CDK14: variants seen among roughly 807,000 people sequenced by gnomAD.
CDK14 encodes cyclin-dependent kinase 14.
CDK14 carries 34 observed loss-of-function variants against 60.7 expected under a neutral mutation model. That is an observed-to-expected ratio of 0.56 (90% CI 0.43 to 0.75). CDK14 has a LOEUF of 0.75. Among genes scored for constraint, CDK14 ranks in the 30% least tolerant of loss-of-function variants. The pLI is 0.00. For missense variants in CDK14, 482 were observed against 564.1 expected (o/e 0.85, Z 1.47); for synonymous variants, 197 against 203.7 (o/e 0.97, Z 0.28).
chr7:90,676,704 G>C (rs556028207), intron 2 of CDK14, among the ~76,000 whole-genome samples: 35 of 151,974 alleles, frequency 2.3e-4, no homozygotes, highest in African/African-American at 8.2e-4. Flanking sequence ...GGTTAGTTTT[G>C]CTCGTTTTTT....
At chr7:91,131,678 A>G (rs1800123046) in intron 14 of CDK14, among the ~76,000 whole-genome samples, 1 of 152,174 alleles carries the variant, frequency 6.6e-6, no homozygotes, top group Non-Finnish European at 1.5e-5. Context: ...GATAGAATTT[A>G]TAAGGGCATC....
At chr7:91,004,590 T>C (rs1000660700) in intron 10 of CDK14, among the ~76,000 whole-genome samples, 1 of 152,334 alleles carries the variant, frequency 6.6e-6, no homozygotes, top group Non-Finnish European at 1.5e-5. Context: ...AGAATATCAA[T>C]TGATGTCATC....
intron 10 of CDK14, among the ~76,000 whole-genome samples, chr7:91,001,000 A>G (rs1453542439): frequency 6.6e-6 from 1 of 152,228 alleles, no homozygotes; most frequent in Non-Finnish European, 1.5e-5. Flanking sequence ...TAGCAACTAC[A>G]GATCAGCAGG....
intron 14 of CDK14, among the ~76,000 whole-genome samples, chr7:91,138,085 C>T (rs1800340664): frequency 6.6e-6 from 1 of 152,124 alleles, no homozygotes; most frequent in South Asian, 2.1e-4. Flanking sequence ...TGCCTCTCTC[C>T]ATTGTGGTGA....
intron 7 of CDK14, among the ~76,000 whole-genome samples, chr7:90,907,762 A>G (rs1197546945): frequency 6.6e-6 from 1 of 152,104 alleles, no homozygotes; most frequent in Non-Finnish European, 1.5e-5. Flanking sequence ...GAGGTTTATT[A>G]TGGCTGAAAA....
intron 13 of CDK14, among the ~76,000 whole-genome samples, chr7:91,112,886 AG>A (rs1584078591): frequency 6.7e-6 from 1 of 148,448 alleles, no homozygotes; most frequent in East Asian, 2.1e-4. Context: ...GAACAGGGGA[AG>A]GGGGGCCATG....
chr7:90,849,317 A>G (rs1790568298), intron 5 of CDK14, among the ~76,000 whole-genome samples: 1 of 151,914 alleles, frequency 6.6e-6, no homozygotes, highest in Non-Finnish European at 1.5e-5. Context: ...AGGCCTCACA[A>G]GAAGCCGAGC....
chr7:90,910,720 C>T lies in CDK14; in HGVS notation c.703-6881C>T, dbSNP rs188572203. ...GACAAAAAATGGGTTCAAATATCAGCACTCTCTCTTACTTACTATGTGTTC... is the reference window on the plus strand; with the variant it reads ...GACAAAAAATGGGTTCAAATATCAGTACTCTCTCTTACTTACTATGTGTTC... On this transcript the variant is annotated intron_variant, in intron 7 of 14. Transcript: ENST00000380050. Among the ~76,000 whole-genome samples the T allele has an allele frequency of 5.3e-5, 8 of 152,248 alleles. No individual in the cohort carries two copies. In the East Asian group the frequency reaches 1.5e-3, roughly 29 times the overall value.
At chr7:91,152,558 G>T (rs1255742542) in intron 14 of CDK14, among the ~76,000 whole-genome samples, 2 of 152,138 alleles carry the variant, frequency 1.3e-5, no homozygotes, top group African/African-American at 2.4e-5. Flanking sequence ...TTTACATAAA[G>T]ATTCATCTAT....
At chr7:90,891,309 A>T (rs1346524620) in intron 6 of CDK14, among the ~76,000 whole-genome samples, 1 of 152,162 alleles carries the variant, frequency 6.6e-6, no homozygotes, top group Non-Finnish European at 1.5e-5. Flanking sequence ...CAATCAGGGA[A>T]TTTTTATGCT....
chr7:90,905,802 T>C (rs190451172), intron 7 of CDK14, among the ~76,000 whole-genome samples: 2 of 152,304 alleles, frequency 1.3e-5, no homozygotes, highest in Admixed American at 6.5e-5. Context: ...ATCATTTTCA[T>C]ATTGAAGATA....
chr7:90,761,314 T>C (rs1804303201), intron 4 of CDK14, among the ~76,000 whole-genome samples: 2 of 149,364 alleles, frequency 1.3e-5, no homozygotes, highest in South Asian at 2.2e-4. Flanking sequence ...CTGGTGGAAA[T>C]GGAGGCACTC....
intron 4 of CDK14, among the ~76,000 whole-genome samples, chr7:90,782,688 A>G (rs546637176): frequency 5.3e-5 from 8 of 152,252 alleles, no homozygotes; most frequent in Non-Finnish European, 1.0e-4. Context: ...TATTTATTGA[A>G]TAAGGGGTGG....
chr7:90,753,153 G>A (rs151252751), intron 4 of CDK14, among the ~76,000 whole-genome samples: 42 of 152,250 alleles, frequency 2.8e-4, no homozygotes, highest in African/African-American at 9.4e-4. Context: ...GATGAAGCCA[G>A]CATCATCCTG....
intron 5 of CDK14, among the ~76,000 whole-genome samples, chr7:90,858,140 C>G (rs3802034): frequency 0.91 from 137,893 of 152,216 alleles, 62,536 homozygotes; most frequent in East Asian, 0.96. Context: ...TGGAGGCTTT[C>G]AGGTTTCATC....
rs11979756 is a variant in CDK14 at position 90,601,922 on chromosome 7, T to G, written c.92-2296T>G. ...GCACCACCACCACGCTTGGCTAATT[T>G]TATGTATGTATGTATGTATGTATGT... On this transcript the variant is annotated intron_variant, in intron 1 of 14. Transcript: ENST00000380050. 3.9e-3 allele frequency among the ~76,000 whole-genome samples: 564 copies of G among 143,394 alleles called. 2 individuals are homozygous for G. Among genetic ancestry groups the G allele is most frequent in the African/African-American group, 8.0e-3 (305 of 38,168 alleles). 94.1% of individuals were successfully genotyped at this position (143,394 alleles called of 152,430 possible).
intron 14 of CDK14, among the ~76,000 whole-genome samples, chr7:91,127,165 T>C (rs1799974976): frequency 6.6e-6 from 1 of 152,124 alleles, no homozygotes; most frequent in Non-Finnish European, 1.5e-5. Flanking sequence ...GTATAATTTG[T>C]TTATCACTAG....
intron 5 of CDK14, among the ~76,000 whole-genome samples, chr7:90,844,964 G>T: frequency 6.6e-6 from 1 of 152,078 alleles, no homozygotes; most frequent in East Asian, 1.9e-4. Flanking sequence ...TCACAAGATG[G>T]CAGCTTGTGG....
chr7:90,783,191 A>G (rs1002196236), intron 4 of CDK14, among the ~76,000 whole-genome samples: 20 of 152,162 alleles, frequency 1.3e-4, no homozygotes, highest in African/African-American at 1.9e-4. Context: ...GTAGCAATCA[A>G]TTCTTTTTAT....
Sources: allele counts gnomAD v4.1 joint callset (sites outside exome capture counted in the v4.1 genomes callset), GRCh38; gene constraint gnomAD v4.1.1; transcripts MANE v1.5; gene names NCBI Gene and HGNC (gene_info 2026-07-23, HGNC 2026-07-21).